Variants in TAF4 observed in about 807,000 individuals in gnomAD.
TAF4 encodes TATA-box binding protein associated factor 4.
In TAF4, 9 loss-of-function variants were observed where a neutral mutation model predicts 90.3. That is an observed-to-expected ratio of 0.10 (90% CI 0.06 to 0.17). The LOEUF is 0.17. TAF4 is among the 10% of genes least tolerant of loss of function. The pLI is 1.00. For synonymous variants in TAF4, 818 were observed against 638.9 expected, an observed-to-expected ratio of 1.28 and a Z score of -4.23; for missense variants, 1,351 against 1,370.7, an observed-to-expected ratio of 0.99 and a Z score of 0.23.
rs1355433766 is a variant in TAF4 at position 62,012,808 on chromosome 20, C to G, written c.1641+7G>C. 2 of 1,609,570 alleles carry G rather than the reference C, an allele frequency of 1.2e-6. No homozygotes were observed. The highest frequency in any genetic ancestry group is 1.7e-5 in the Admixed American group (1 of 59,068). On this transcript the variant is annotated splice_region_variant and intron_variant, in intron 3 of 14. Coordinates refer to ENST00000252996, the MANE Select transcript of TAF4 (RefSeq NM_003185.4). ...AGCCTCAAGAGATCCGCCGCCTGCC[C>G]TCTCACCTGGACGCCGGGCGAGCGC...
At chr20:62,062,944 G>A (rs1436245537) in intron 1 of TAF4, among the ~76,000 whole-genome samples, 3 of 152,160 alleles carry the variant, frequency 2.0e-5, no homozygotes, top group Non-Finnish European at 4.4e-5. Flanking sequence ...AAAGCATTGT[G>A]ACAGTTTACA....
intron 1 of TAF4, among the ~76,000 whole-genome samples, chr20:62,031,363 G>T (rs971294433): frequency 2.0e-4 from 31 of 152,214 alleles, no homozygotes; most frequent in African/African-American, 7.2e-4. Flanking sequence ...TGCTGGCTGG[G>T]CCCAGGGTGC....
At chr20:62,014,296 G>A (rs907259246) in intron 2 of TAF4, among the ~76,000 whole-genome samples, 5 of 151,904 alleles carry the variant, frequency 3.3e-5, no homozygotes, top group African/African-American at 9.7e-5. Flanking sequence ...GACCCCACTC[G>A]GCCCGCCCTG....
intron 14 of TAF4, among the ~76,000 whole-genome samples, chr20:61,991,275 G>C (rs2055629578): frequency 6.6e-6 from 1 of 151,836 alleles, no homozygotes; most frequent in Non-Finnish European, 1.5e-5. Context: ...AAAAAAATTA[G>C]CTGGGTGTGG....
chr20:62,027,567 T>C (rs920520733), intron 1 of TAF4, among the ~76,000 whole-genome samples: 1 of 152,332 alleles, frequency 6.6e-6, no homozygotes, highest in African/African-American at 2.4e-5. Flanking sequence ...TCTCCCACCG[T>C]ATATGCTAAT....
At chr20:61,985,029 TGGGAGGATGGGTGGAGGG>T (rs2055577145) in intron 14 of TAF4, among the ~76,000 whole-genome samples, 23 of 92 alleles carry the variant, frequency 0.25, 3 homozygotes, top group South Asian at 1. Flanking sequence ...GGGCAGGGGG[TGGGAGGATGGGTGGAGGG>T]TGTGGCAGGA....
intron 1 of TAF4, among the ~76,000 whole-genome samples, chr20:62,015,995 C>T (rs992304584): frequency 6.6e-6 from 1 of 152,232 alleles, no homozygotes; most frequent in African/African-American, 2.4e-5. Flanking sequence ...AAACACCCAG[C>T]TGCAGCAAAT....
At chr20:61,992,084 G>A (rs2055635226) in intron 14 of TAF4, among the ~76,000 whole-genome samples, 2 of 152,218 alleles carry the variant, frequency 1.3e-5, no homozygotes, top group Non-Finnish European at 2.9e-5. Context: ...CTCCCATGAA[G>A]CGTTCCAAAA....
intron 14 of TAF4, among the ~76,000 whole-genome samples, 173 bp downstream of exon 14, chr20:61,997,377 G>A (rs2055669682): frequency 6.6e-6 from 1 of 152,202 alleles, no homozygotes; most frequent in Non-Finnish European, 1.5e-5. Context: ...CCACAAATAA[G>A]CTGATTTGGA....
intron 1 of TAF4, among the ~76,000 whole-genome samples, chr20:62,034,784 T>C (rs2030151732): frequency 6.6e-6 from 1 of 151,728 alleles, no homozygotes; most frequent in Admixed American, 6.6e-5. Context: ...GTAAATAGAG[T>C]AATATACCAT....
At chr20:62,024,192 T>G (rs1445840097) in intron 1 of TAF4, among the ~76,000 whole-genome samples, 1 of 152,170 alleles carries the variant, frequency 6.6e-6, no homozygotes, top group African/African-American at 2.4e-5. Flanking sequence ...GGCAATTCAG[T>G]GGTGAGGACG....
chr20:62,055,262 A>G (rs8182686), intron 1 of TAF4, among the ~76,000 whole-genome samples: 609 of 53,424 alleles, frequency 0.011, 1 homozygote, highest in Non-Finnish European at 0.012. Flanking sequence ...GCCTGCGGGC[A>G]GTCCTGCAAG....
intron 4 of TAF4, among the ~76,000 whole-genome samples, chr20:62,009,557 G>A (rs759861734): frequency 1.3e-5 from 2 of 152,220 alleles, no homozygotes; most frequent in East Asian, 1.9e-4. Flanking sequence ...CGAAAAGTAC[G>A]CAGCAAAGAA....
chr20:61,987,013 C>T lies in TAF4; in HGVS notation c.3090+10537G>A, dbSNP rs536193933. On this transcript the variant is annotated intron_variant, in intron 14 of 14. Coordinates refer to ENST00000252996, the MANE Select transcript of TAF4 (RefSeq NM_003185.4). ...CTCCTTGAGATACCTACTAATTACA[C>T]AGAGAAAAAGAGTAACTCGACAATG... Among the ~76,000 whole-genome samples, 260 of 152,300 alleles carry T rather than the reference C, an allele frequency of 1.7e-3. 1 individual carries two copies. Among genetic ancestry groups the T allele is most frequent in the African/African-American group, 5.5e-3 (230 of 41,558 alleles).
chr20:61,980,463 A>T (rs929103550), intron 14 of TAF4: 7 of 152,314 alleles, frequency 4.6e-5, no homozygotes, highest in African/African-American at 1.2e-4. Context: ...GGGTAACAAT[A>T]GCCTATGCCG....
chr20:62,065,456 G>A lies in TAF4; in HGVS notation c.355C>T (p.Pro119Ser), dbSNP rs2056125051. The stretch of plus-strand genomic sequence containing the variant: ...CTCAGCTTCGCGGCGGGCGGCGCGG[G>A]CCCTGCGGGGACAAGGGGGCGGCGC... ...SPRRPLVPAG[P>S]APPAAKLRPP... Residue 119 changes from proline (P) to serine (S), a missense_variant, in exon 1 of 15, where the codon CCC becomes TCC. Physicochemically the swap from Pro to Ser is moderately conservative, Grantham distance 74 (BLOSUM62 -1). Coordinates refer to ENST00000252996, the MANE Select transcript of TAF4 (RefSeq NM_003185.4). 1.0e-6 allele frequency: 1 copy of A among 976,714 alleles called. No homozygotes were observed. The highest frequency in any genetic ancestry group is 1.2e-6 in the Non-Finnish European group (1 of 825,394). The allele number at this position is 976,714 out of a possible 1,614,324, so 60.5% of individuals were successfully genotyped here.
intron 1 of TAF4, among the ~76,000 whole-genome samples, chr20:62,052,521 C>G (rs948097507): frequency 1.3e-5 from 2 of 151,634 alleles, no homozygotes; most frequent in African/African-American, 4.9e-5. Context: ...ACACCCCAGC[C>G]CCAGCCCGTG....
chr20:62,013,987 G>C (rs1340989001), intron 2 of TAF4, among the ~76,000 whole-genome samples: 2 of 148,830 alleles, frequency 1.3e-5, no homozygotes, highest in African/African-American at 5.0e-5. Flanking sequence ...GGAGTCGGGA[G>C]CTTCGGCCCT....
intron 2 of TAF4, among the ~76,000 whole-genome samples, chr20:62,013,429 G>A (rs1204237733): frequency 6.6e-6 from 1 of 152,260 alleles, no homozygotes; most frequent in Non-Finnish European, 1.5e-5. Flanking sequence ...CATGGAAAGA[G>A]CAGATGGCAG....
Sources: allele counts gnomAD v4.1 joint callset (sites outside exome capture counted in the v4.1 genomes callset), GRCh38; gene constraint gnomAD v4.1.1; transcripts MANE v1.5; gene names NCBI Gene and HGNC (gene_info 2026-07-23, HGNC 2026-07-21).